The following CRPPA variants were observed in gnomAD, a reference collection of about 807,000 sequenced individuals.
CRPPA encodes D-ribitol-5-phosphate cytidylyltransferase.
In CRPPA, 43 loss-of-function variants were observed where a neutral mutation model predicts 52.0. That is an observed-to-expected ratio of 0.83 (90% CI 0.65 to 1.07). CRPPA has a LOEUF of 1.07. CRPPA is among the 50% of genes least tolerant of loss of function. CRPPA has a pLI of 0.00. For synonymous variants in CRPPA, 250 were observed against 203.5 expected (o/e 1.23, Z -1.94); for missense variants, 629 against 551.7 (o/e 1.14, Z -1.40).
At chr7:16,191,632 T>C (rs1386936991) in intron 9 of CRPPA, among the ~76,000 whole-genome samples, 1 of 152,116 alleles carries the variant, frequency 6.6e-6, no homozygotes, top group Non-Finnish European at 1.5e-5. Context: ...AATATCAGAG[T>C]ACTAGTCTTA....
intron 2 of CRPPA, among the ~76,000 whole-genome samples, chr7:16,391,156 C>G (rs1048462527): frequency 3.9e-5 from 6 of 152,084 alleles, no homozygotes; most frequent in African/African-American, 1.4e-4. Flanking sequence ...AAATTGAACT[C>G]AAAGTTTTGG....
At chr7:16,410,725 C>T (rs1470393549) in intron 1 of CRPPA, among the ~76,000 whole-genome samples, 1 of 152,192 alleles carries the variant, frequency 6.6e-6, no homozygotes, top group African/African-American at 2.4e-5. Context: ...TACCCAACTA[C>T]TCCCTGAAGG....
At chr7:16,161,955 C>A (rs999518054) in intron 9 of CRPPA, among the ~76,000 whole-genome samples, 1 of 152,050 alleles carries the variant, frequency 6.6e-6, no homozygotes, top group African/African-American at 2.4e-5. Context: ...TTCTTCTAGA[C>A]TTTCTAGTTT....
At chr7:16,167,936 T>C (rs1443455654) in intron 9 of CRPPA, among the ~76,000 whole-genome samples, 8 of 152,230 alleles carry the variant, frequency 5.3e-5, no homozygotes, top group Non-Finnish European at 1.2e-4. Context: ...TTATTCCTCA[T>C]TGTATTATCC....
intron 3 of CRPPA, among the ~76,000 whole-genome samples, chr7:16,325,601 T>C (rs138245576): frequency 3.3e-5 from 5 of 152,242 alleles, no homozygotes; most frequent in African/African-American, 1.2e-4. Flanking sequence ...GACAACCATT[T>C]GTAAATGTGC....
intron 2 of CRPPA, among the ~76,000 whole-genome samples, chr7:16,400,593 G>A (rs375879569): frequency 9.8e-5 from 15 of 152,306 alleles, no homozygotes; most frequent in Non-Finnish European, 1.5e-4. Flanking sequence ...CAATTGACAC[G>A]ATTGGCATGT....
In CRPPA at chr7:16,379,702, T is replaced by A. The variant is rs1787020930; in HGVS notation, c.535-3461A>T. Among the ~76,000 whole-genome samples, 14 of 152,330 alleles carry A rather than the reference T, an allele frequency of 9.2e-5. No homozygotes were observed. The South Asian group carries it at 2.9e-3, about 32-fold the overall frequency. On this transcript the variant is annotated intron_variant, in intron 2 of 9. Transcript: ENST00000407010. ...TTGTAGTTCTCCTTGAAGAGGTCCT[T>A]CACATCCCTTGTAAGTTGGATTCCT...
intron 9 of CRPPA, among the ~76,000 whole-genome samples, chr7:16,141,742 T>C (rs1325284400): frequency 1.3e-5 from 2 of 152,220 alleles, no homozygotes; most frequent in South Asian, 2.1e-4. Context: ...GTATAATATA[T>C]GCATGTACTC....
chr7:16,397,580 G>C (rs531833662), intron 2 of CRPPA, among the ~76,000 whole-genome samples: 3 of 138,976 alleles, frequency 2.2e-5, no homozygotes, highest in South Asian at 2.2e-4. Flanking sequence ...ACTGACATAT[G>C]AGACGTGACA....
intron 1 of CRPPA, among the ~76,000 whole-genome samples, chr7:16,419,802 G>T (rs766290927): frequency 6.6e-6 from 1 of 151,736 alleles, no homozygotes; most frequent in Admixed American, 6.6e-5. Flanking sequence ...GCCTCTACCC[G>T]CCAAATTATC....
At chr7:16,221,510 C>T (rs1200071684) in intron 8 of CRPPA, among the ~76,000 whole-genome samples, 1 of 152,092 alleles carries the variant, frequency 6.6e-6, no homozygotes, top group Non-Finnish European at 1.5e-5. Context: ...GAACAGGCAA[C>T]CTACAAAATG....
intron 9 of CRPPA, among the ~76,000 whole-genome samples, chr7:16,205,094 C>T (rs757287408): frequency 1.3e-5 from 2 of 152,176 alleles, no homozygotes; most frequent in South Asian, 2.1e-4. Flanking sequence ...AAACAACTGT[C>T]CCACAGGCAG....
intron 9 of CRPPA, among the ~76,000 whole-genome samples, chr7:16,092,823 T>G (rs1336523793): frequency 6.6e-6 from 1 of 152,210 alleles, no homozygotes; most frequent in African/African-American, 2.4e-5. Context: ...CTCGGCCTCT[T>G]CTTGATATTC....
At chr7:16,215,962 T>C (rs1782292872) in intron 9 of CRPPA, 104 bp downstream of exon 9, 1 of 916,086 alleles carries the variant, frequency 1.1e-6, no homozygotes, top group African/African-American at 1.7e-5. Context: ...TTTCCAGCTG[T>C]AATTTCACTT....
At chr7:16,241,464 T>C (rs892250407) in intron 8 of CRPPA, among the ~76,000 whole-genome samples, 4 of 152,154 alleles carry the variant, frequency 2.6e-5, no homozygotes, top group Admixed American at 6.5e-5. Context: ...TGTAATTATC[T>C]AGATAATTAC....
At chr7:16,325,428 T>C (rs1365201362) in intron 3 of CRPPA, among the ~76,000 whole-genome samples, 3 of 152,166 alleles carry the variant, frequency 2.0e-5, no homozygotes, top group Non-Finnish European at 4.4e-5. Flanking sequence ...TCCAATAACA[T>C]GTCTTTCTTC....
intron 3 of CRPPA, among the ~76,000 whole-genome samples, chr7:16,344,587 T>C (rs1374712100): frequency 2.6e-5 from 4 of 151,972 alleles, no homozygotes; most frequent in African/African-American, 9.7e-5. Flanking sequence ...ATTTTTCTAA[T>C]ATGTTCAGTC....
chr7:16,195,921 T>TC (rs1393968553), intron 9 of CRPPA, among the ~76,000 whole-genome samples: 1 of 151,758 alleles, frequency 6.6e-6, no homozygotes, highest in African/African-American at 2.4e-5. Context: ...CAACCCCCCT[T>TC]CCCCACAGCA....
At chr7:16,345,058 A>T (rs1583535916) in intron 3 of CRPPA, among the ~76,000 whole-genome samples, 1 of 152,186 alleles carries the variant, frequency 6.6e-6, no homozygotes, top group South Asian at 2.1e-4. Flanking sequence ...ATGCATAAAA[A>T]TCAAACCATC....
Sources: allele counts gnomAD v4.1 joint callset (sites outside exome capture counted in the v4.1 genomes callset), GRCh38; gene constraint gnomAD v4.1.1; transcripts MANE v1.5; gene names NCBI Gene and HGNC (gene_info 2026-07-23, HGNC 2026-07-21).